PLEKHA6: variants seen among roughly 807,000 people sequenced by gnomAD.
The protein encoded by PLEKHA6 is pleckstrin homology domain-containing family A member 6.
A neutral mutation model predicts 116.7 loss-of-function variants in PLEKHA6; 60 were observed. The ratio of observed to expected loss-of-function variants is 0.51; its 90% CI spans 0.42 to 0.64. PLEKHA6 has a LOEUF of 0.64. PLEKHA6 is among the 30% of genes least tolerant of loss of function. PLEKHA6 has a pLI of 0.00. For synonymous variants in PLEKHA6, 489 were observed against 556.1 expected (o/e 0.88, Z 1.70); for missense variants, 1,338 against 1,422.7 (o/e 0.94, Z 0.96).
At chr1:204,271,225 A>G (rs1233896197) in intron 3 of PLEKHA6, among the ~76,000 whole-genome samples, 1 of 152,130 alleles carries the variant, frequency 6.6e-6, no homozygotes, top group African/African-American at 2.4e-5. Context: ...AAGCCAAAAG[A>G]TTGGACACCC....
chr1:204,225,886 T>C (rs894794897), intron 21 of PLEKHA6, among the ~76,000 whole-genome samples: 14 of 152,340 alleles, frequency 9.2e-5, no homozygotes, highest in African/African-American at 3.1e-4. Context: ...GCACAAGACA[T>C]TCGCGCCACA....
chr1:204,245,739 C>T lies in PLEKHA6; in HGVS notation c.1921-13G>A. 1.3e-6 allele frequency: 2 copies of T among 1,569,220 alleles called. No homozygotes were observed. The highest frequency in any genetic ancestry group is 1.8e-6 in the Non-Finnish European group (2 of 1,141,050). Reference sequence around the variant, plus strand: ...TCAGCACCTCATTCTGAAGCAGCCACACAGTGAGTCAAAGGAAATGGCCAT... The same window carrying T: ...TCAGCACCTCATTCTGAAGCAGCCATACAGTGAGTCAAAGGAAATGGCCAT... On this transcript the variant is annotated splice_polypyrimidine_tract_variant and intron_variant, in intron 13 of 22. Transcript: ENST00000272203.
chr1:204,224,014 C>T (rs1301604874), intron 21 of PLEKHA6, among the ~76,000 whole-genome samples: 1 of 152,164 alleles, frequency 6.6e-6, no homozygotes, highest in East Asian at 1.9e-4. Flanking sequence ...CATCTGGCCC[C>T]ATTTAATGAA....
chr1:204,358,354 C>T (rs750732271), intron 1 of PLEKHA6, among the ~76,000 whole-genome samples: 2 of 152,216 alleles, frequency 1.3e-5, no homozygotes, highest in Non-Finnish European at 2.9e-5. Context: ...CCTCCACCAG[C>T]AGGGTCTGCT....
chr1:204,273,673 T>A lies in PLEKHA6; in HGVS notation c.55A>T (p.Asn19Tyr). The A allele has an allele frequency of 1.2e-6, 2 of 1,614,188 alleles. No homozygotes were observed. The highest frequency in any genetic ancestry group is 1.7e-6 in the Non-Finnish European group (2 of 1,180,018). Residue 19 changes from asparagine to tyrosine, a missense_variant, in exon 3 of 23, where the codon AAC (asparagine) becomes TAC (tyrosine). This residue lies in a region of PLEKHA6 where 62 missense variants were observed against 61.7 expected (regional missense o/e 1.01). Transcript: ENST00000272203. ...GGGACCTCGGACACCATGTTGTGGT[T>A]GGGTATGTCACTGTTGGTGGTAGCC... ...RPATTNSDIP[N>Y]HNMVSEVPPE...
chr1:204,315,600 C>T (rs1201200526), intron 1 of PLEKHA6, among the ~76,000 whole-genome samples: 2 of 152,106 alleles, frequency 1.3e-5, no homozygotes, highest in Non-Finnish European at 2.9e-5. Context: ...ACAGAAAACC[C>T]CCTCCGCCGT....
In PLEKHA6 at chr1:204,257,779, C is replaced by T. The variant is rs149450889; in HGVS notation, c.1098G>A (p.Pro366=). 41 of 1,613,970 alleles carry T rather than the reference C, an allele frequency of 2.5e-5. No individual in the cohort carries two copies. Among genetic ancestry groups the T allele is most frequent in the African/African-American group, 2.0e-4 (15 of 75,008 alleles). Residue 366 remains proline, a synonymous_variant, in exon 9 of 23, where the codon CCG becomes CCA. Transcript: ENST00000272203. The surrounding 1 kb of genome is among the most constrained non-coding windows in gnomAD (Gnocchi z 6.5). ...AGATGCTCTCCGGCCGCACTCCTGG[C>T]GGGTAGTACTGATAATCATCGGGGT... ...SQYPDDYQYY[P]PGVRPESICS...
chr1:204,291,417 C>T (rs1052022587), intron 1 of PLEKHA6, among the ~76,000 whole-genome samples: 1 of 152,156 alleles, frequency 6.6e-6, no homozygotes. Flanking sequence ...ATTGACTTCA[C>T]TCCTAGGCAT....
At chr1:204,236,827 CAG>C (rs1662123168) in intron 17 of PLEKHA6, among the ~76,000 whole-genome samples, 1 of 152,194 alleles carries the variant, frequency 6.6e-6, no homozygotes, top group African/African-American at 2.4e-5. Context: ...ATTATAAAAA[CAG>C]AGAATCACAG....
Position 204,223,179 on chromosome 1 carries a change from G to T in PLEKHA6, c.*8+283C>A, listed in dbSNP as rs573655793. Among the ~76,000 whole-genome samples, 1 of 152,248 alleles carries T rather than the reference G, an allele frequency of 6.6e-6. No individual in the cohort carries two copies. Among genetic ancestry groups the T allele is most frequent in the African/African-American group, 2.4e-5 (1 of 41,558 alleles). ...AAGAGCCTTCCCTGAGAGCAGACAG[G>T]TGAGGTCTCGGCTCCATTCCCTGCC... On this transcript the variant is annotated intron_variant, in intron 22 of 22. Transcript: ENST00000272203. This position sits in a 1 kb window ranked among gnomAD's most constrained non-coding sequence, Gnocchi z 4.8.
chr1:204,229,100 C>T lies in PLEKHA6; in HGVS notation c.2588G>A (p.Arg863His), dbSNP rs147239771. 94 of 1,612,072 alleles carry T rather than the reference C, an allele frequency of 5.8e-5. No individual in the cohort carries two copies. Among genetic ancestry groups the T allele is most frequent in the Non-Finnish European group, 7.6e-5 (90 of 1,179,688 alleles). Residue 863 changes from arginine (R) to histidine (H), a missense_variant, in exon 19 of 23, where the codon CGC becomes CAC. Transcript: ENST00000272203. ...TACCTCATGGATGCTGCGGTGGCGG[C>T]GCACCTAGGGGACAGCAGCATCGTG... ...PSPRPAYKVV[R>H]RHRSIHEVDI...
At chr1:204,377,274 G>C (rs1673886441) in intron 1 of PLEKHA6, among the ~76,000 whole-genome samples, 1 of 152,188 alleles carries the variant, frequency 6.6e-6, no homozygotes, top group Non-Finnish European at 1.5e-5. Flanking sequence ...ACTCCAGGCT[G>C]GGCATTGGTC....
rs1177744142 is a variant in PLEKHA6, at chr1:204,314,805, C to T, written c.-94-39996G>A. Among the ~76,000 whole-genome samples, 3 of 151,984 alleles carry T rather than the reference C, an allele frequency of 2.0e-5. No homozygotes were observed. In the East Asian group the frequency reaches 5.8e-4, roughly 29 times the overall value. On this transcript the variant is annotated intron_variant, in intron 1 of 22. Transcript: ENST00000272203. The stretch of plus-strand genomic sequence containing the variant: ...AGATGCTGGTATGGATGCCCACAAG[C>T]TTTTCACAGGGACAGCATGTATGCT...
intron 1 of PLEKHA6, among the ~76,000 whole-genome samples, chr1:204,349,277 G>T (rs889895983): frequency 6.6e-6 from 1 of 152,146 alleles, no homozygotes; most frequent in Non-Finnish European, 1.5e-5. Flanking sequence ...GGTGGCTCAC[G>T]CCTATAATCC....
intron 1 of PLEKHA6, among the ~76,000 whole-genome samples, chr1:204,340,995 C>A (rs1040517880): frequency 5.9e-5 from 9 of 152,196 alleles, no homozygotes; most frequent in Admixed American, 5.2e-4. Flanking sequence ...ACTCTTCTCC[C>A]AGGGATGTGG....
intron 1 of PLEKHA6, among the ~76,000 whole-genome samples, chr1:204,316,331 T>C (rs1572170621): frequency 6.6e-6 from 1 of 152,180 alleles, no homozygotes; most frequent in Non-Finnish European, 1.5e-5. Context: ...AGAGTGGGTG[T>C]TGGAGCACTC....
chr1:204,237,917 A>C (rs1342489491), intron 17 of PLEKHA6, among the ~76,000 whole-genome samples: 1 of 152,250 alleles, frequency 6.6e-6, no homozygotes, highest in African/African-American at 2.4e-5. Flanking sequence ...TGCATGCCAG[A>C]GGATGGGAAA....
rs188502376 is a variant in PLEKHA6 at position 204,248,213 on chromosome 1, C to T, written c.1824+608G>A. 2.4e-3 allele frequency among the ~76,000 whole-genome samples: 313 copies of T among 128,452 alleles called. 2 individuals are homozygous for T. The highest frequency in any genetic ancestry group is 8.2e-3 in the African/African-American group (269 of 32,828). The allele number at this position is 128,452 out of a possible 152,430, so 84.3% of individuals were successfully genotyped here. A position where few individuals can be genotyped will look rare whatever the true frequency, so the allele number is the denominator to read the frequency against. ...CACTCTTGTTGCCCAGGCTGGAGTG[C>T]AATGGTGCGATCTCGGCTCACGGCA... is the stretch of plus-strand genomic sequence containing the variant. On this transcript the variant is annotated intron_variant, in intron 12 of 22. Transcript: ENST00000272203.
chr1:204,363,941 A>T (rs922340850), upstream of PLEKHA6, among the ~76,000 whole-genome samples: 1 of 152,174 alleles, frequency 6.6e-6, no homozygotes, highest in Non-Finnish European at 1.5e-5. Context: ...CACTCTTCCC[A>T]GTAAATGACA....
Sources: gnomAD v4.1 joint callset for allele counts (sites outside exome capture counted in the v4.1 genomes callset) on GRCh38, gnomAD v4.1.1 for gene constraint, gnomAD v4.1.1 regional missense constraint, Gnocchi (gnomAD v3.1) non-coding constraint, MANE v1.5 for transcripts, NCBI Gene and HGNC (gene_info 2026-07-23, HGNC 2026-07-21) for gene names.